The following BAG6 variants were observed in gnomAD, a reference collection of about 807,000 sequenced individuals.
BAG6 encodes the protein BAG cochaperone 6, also known as large proline-rich protein BAG6.
BAG6 carries 22 observed loss-of-function variants against 121.0 expected under a neutral mutation model. That is an observed-to-expected ratio of 0.18 (90% CI 0.13 to 0.26). BAG6 has a LOEUF of 0.26. Among genes scored for constraint, BAG6 ranks in the 10% least tolerant of loss-of-function variants. The pLI, the probability that BAG6 is intolerant of heterozygous loss-of-function variation, is 1.00. For missense variants in BAG6, 1,233 were observed against 1,537.7 expected (o/e 0.80, Z 3.31); for synonymous variants, 583 against 584.6 (o/e 1.00, Z 0.04).
Position 31,639,578 on chromosome 6 carries a change from T to C in BAG6, c.3315A>G (p.Gly1105=), listed in dbSNP as rs770252601. 11 of 1,613,970 alleles carry C rather than the reference T, an allele frequency of 6.8e-6. No homozygotes were observed. The South Asian group carries it at 1.1e-4, about 16-fold the overall frequency. ...TCTCGGGGCTCGTCAGGGGCCGAGC[T>C]CCGGCTGCCTTAGCTGCCCGGCTCA... ...EAVSRAAKAA[G]ARPLTSPESL... is the part of the protein sequence containing the mutation. Residue 1105 remains glycine, a synonymous_variant, in exon 25 of 26, where the codon GGA becomes GGG. Coordinates refer to ENST00000676615, the MANE Select transcript of BAG6 (RefSeq NM_001387994.1).
chr6:31,644,032 G>A lies in BAG6; in HGVS notation c.1668+50C>T, dbSNP rs1250975670. 1.2e-6 allele frequency: 2 copies of A among 1,612,516 alleles called. No homozygotes were observed. Among genetic ancestry groups the A allele is most frequent in the South Asian group, 1.1e-5 (1 of 91,026 alleles). On this transcript the variant is annotated intron_variant, in intron 13 of 25. Coordinates refer to ENST00000676615, the MANE Select transcript of BAG6 (RefSeq NM_001387994.1). The surrounding 1 kb of genome is among the most constrained non-coding windows in gnomAD (Gnocchi z 4.9). ...CCTGCCCTTCCATGCACCACCACAG[G>A]AGTCTCTCCCTAGACTGTTACGCAC...
rs1334729894 is a variant in BAG6 at position 31,649,559 on chromosome 6, G to A, written c.177C>T (p.Leu59=). 1 of 1,614,146 alleles carries A rather than the reference G, an allele frequency of 6.2e-7. No individual in the cohort carries two copies. Among genetic ancestry groups the A allele is most frequent in the Admixed American group, 1.7e-5 (1 of 60,014 alleles). The change falls in exon 3 of 26, where the codon CTC becomes CTT. Residue 59 remains leucine (L), a synonymous_variant. Transcript: ENST00000676615. ...SVSIPSEKQR[L]IYQGRVLQDD... ...CTTGCAGAACTCGTCCCTGGTAAATGAGCCGTTGTTTTTCAGATGGGATGC... is the reference window on the plus strand; with the variant it reads ...CTTGCAGAACTCGTCCCTGGTAAATAAGCCGTTGTTTTTCAGATGGGATGC...
chr6:31,642,070 C>A, intron 16 of BAG6, 42 bp downstream of exon 16: 1 of 1,600,056 alleles, frequency 6.2e-7, no homozygotes, highest in Non-Finnish European at 8.5e-7. Flanking sequence ...ATTCCTCTGG[C>A]TGCCCCTTCC....
Position 31,649,269 on chromosome 6 carries a change from C to G in BAG6, c.353G>C (p.Arg118Pro), listed in dbSNP as rs775170307. The change falls in exon 4 of 26, where the codon CGG becomes CCG. Residue 118 changes from arginine (R) to proline (P), a missense_variant. Around this residue, in one of 7 missense-constraint regions of BAG6, gnomAD observed 777 missense variants for 861.4 expected, o/e 0.90. Coordinates refer to ENST00000676615, the MANE Select transcript of BAG6 (RefSeq NM_001387994.1). ...GTCATGAACAGAGGCCCCAGGCCCC[C>G]GAGTACCAGGGGGGGATCCCCCACC... ...THGGGSPPGT[R>P]GPGASVHDRN... 1 of 1,612,990 alleles carries G rather than the reference C, an allele frequency of 6.2e-7. No individual in the cohort carries two copies. Among genetic ancestry groups the G allele is most frequent in the Non-Finnish European group, 8.5e-7 (1 of 1,180,042 alleles).
In BAG6 at chr6:31,649,305, G is replaced by A. The variant is rs1793731165; in HGVS notation, c.317C>T (p.Ser106Leu). 1 of 1,613,286 alleles carries A rather than the reference G, an allele frequency of 6.2e-7. No individual in the cohort carries two copies. The highest frequency in any genetic ancestry group is 8.5e-7 in the Non-Finnish European group (1 of 1,179,994). Reference sequence around the variant, plus strand: ...GGGGGATCCCCCACCATGAGTGGCTGAGGCAGACCCCGTCCCAGAAGATGC... The same window carrying A: ...GGGGGATCCCCCACCATGAGTGGCTAAGGCAGACCCCGTCCCAGAAGATGC... ...SGASSGTGSA[S>L]ATHGGGSPPG... Residue 106 changes from serine to leucine, a missense_variant, in exon 4 of 26, where the codon TCA becomes TTA. By Grantham distance (145) the Ser-to-Leu change is moderately radical (BLOSUM62 -2). Coordinates refer to ENST00000676615, the MANE Select transcript of BAG6 (RefSeq NM_001387994.1).
Position 31,648,677 on chromosome 6 carries a change from C to G in BAG6, c.552G>C (p.Glu184Asp), listed in dbSNP as rs1404745318. The G allele has an allele frequency of 2.5e-6, 4 of 1,613,704 alleles. No homozygotes were observed. Among genetic ancestry groups the G allele is most frequent in the Non-Finnish European group, 3.4e-6 (4 of 1,179,956 alleles). The change falls in exon 6 of 26, where the codon GAG (glutamate) becomes GAC (aspartate). Residue 184 changes from glutamate to aspartate, a missense_variant and splice_region_variant. By Grantham distance (45) the Glu-to-Asp change is conservative. This residue lies in a region of BAG6 where 777 missense variants were observed against 861.4 expected (regional missense o/e 0.90). Transcript: ENST00000676615. ...RDIQTLLSRM[E>D]CRGGPQPQHS... Reference sequence around the variant, plus strand: ...ACCCTAGCCAGCCTTGCCCACTTACCTCCATCCGGGATAGTAAGGTCTGTA... The same window carrying G: ...ACCCTAGCCAGCCTTGCCCACTTACGTCCATCCGGGATAGTAAGGTCTGTA...
In BAG6 at chr6:31,642,838, G is replaced by C. The variant is rs1285428072; in HGVS notation, c.2034C>G (p.Asp678Glu). 4 of 1,612,096 alleles carry C rather than the reference G, an allele frequency of 2.5e-6. No homozygotes were observed. Among genetic ancestry groups the C allele is most frequent in the Non-Finnish European group, 3.4e-6 (4 of 1,179,276 alleles). The part of the protein sequence containing the change: ...GVPAFLQGMT[D>E]FLQATQTAPP... The stretch of plus-strand genomic sequence containing the variant: ...CAAGCCAGCCACTCACCTGCAAGAA[G>C]TCAGTCATGCCTTGGAGAAAGGCAG... Residue 678 changes from aspartate (D) to glutamate (E), a missense_variant, in exon 15 of 26, where the codon GAC becomes GAG. By Grantham distance (45) the Asp-to-Glu change is conservative (BLOSUM62 2). Coordinates refer to ENST00000676615, the MANE Select transcript of BAG6 (RefSeq NM_001387994.1).
In BAG6 at chr6:31,649,526, C is replaced by T. The variant is rs1304329325; in HGVS notation, c.210G>A (p.Lys70=). Residue 70 remains lysine (K), a synonymous_variant, in exon 3 of 26, where the codon AAG becomes AAA. Coordinates refer to ENST00000676615, the MANE Select transcript of BAG6 (RefSeq NM_001387994.1). ...IYQGRVLQDD[K]KLQEYNVGGK... is the part of the protein sequence containing the mutation. ...CCCCCTTACTGTATTCCTGAAGCTT[C>T]TTATCATCTTGCAGAACTCGTCCCT... The T allele has an allele frequency of 6.2e-7, 1 of 1,614,198 alleles. No homozygotes were observed. The highest frequency in any genetic ancestry group is 1.1e-5 in the South Asian group (1 of 91,078).
intron 2 of BAG6, 51 bp from the exon 3 acceptor site, chr6:31,649,678 G>A (rs202014985): frequency 1.2e-5 from 18 of 1,527,020 alleles, no homozygotes; most frequent in Non-Finnish European, 1.5e-5. Flanking sequence ...GAAAGAGGAA[G>A]AACAAAGACA....
Position 31,644,982 on chromosome 6 carries a change from C to T in BAG6, c.1333G>A (p.Val445Met). 6.2e-7 allele frequency: 1 copy of T among 1,603,376 alleles called. No individual in the cohort carries two copies. The highest frequency in any genetic ancestry group is 8.5e-7 in the Non-Finnish European group (1 of 1,174,464). ...PRVIRISHQS[V>M]EPVVMMHMNI... The stretch of plus-strand genomic sequence containing the variant: ...ATGTGCATCATGACCACGGGTTCCA[C>T]ACTCTGGTGGGAAATCCGGATGACC... The change falls in exon 10 of 26, where the codon GTG becomes ATG. Residue 445 changes from valine (V) to methionine (M), a missense_variant. Transcript: ENST00000676615. This position sits in a 1 kb window ranked among gnomAD's most constrained non-coding sequence, Gnocchi z 4.9.
chr6:31,641,405 C>G lies in BAG6; in HGVS notation c.2577G>C (p.Gln859His), dbSNP rs1369275593. ...TTGTCCGGATGATGTCCACACCTGGCTGAACCTGCACCAAGGACTGAGAGA... is the reference window on the plus strand; with the variant it reads ...TTGTCCGGATGATGTCCACACCTGGGTGAACCTGCACCAAGGACTGAGAGA... ...VRESFSLVQV[Q>H]PGVDIIRTNL... Residue 859 changes from glutamine (Q) to histidine (H), a missense_variant, in exon 19 of 26, where the codon CAG (glutamine) becomes CAC (histidine). Physicochemically the swap from Gln to His is conservative, Grantham distance 24. Transcript: ENST00000676615. This position sits in a 1 kb window ranked among gnomAD's most constrained non-coding sequence, Gnocchi z 5.7. The G allele has an allele frequency of 6.2e-7, 1 of 1,614,116 alleles. No individual in the cohort carries two copies. The highest frequency in any genetic ancestry group is 8.5e-7 in the Non-Finnish European group (1 of 1,180,052).
At position 31,651,765 on chromosome 6, in the gene BAG6, G is replaced by A. The variant is rs138595299; in HGVS notation, c.-2C>T. ...ACTGGTACTATCATTAGGCTCCATG[G>A]CCGACAGGTCTCTAAAGAAGAACGA... On this transcript the variant is annotated 5_prime_UTR_variant, in exon 2 of 26. Coordinates refer to ENST00000676615, the MANE Select transcript of BAG6 (RefSeq NM_001387994.1). The A allele has an allele frequency of 2.6e-4, 422 of 1,612,638 alleles. 2 individuals carry two copies. In the East Asian group the frequency reaches 8.6e-3, roughly 33 times the overall value.
chr6:31,647,734 T>C lies in BAG6; in HGVS notation c.645A>G (p.Ser215=), dbSNP rs1791398308. ...GAGGTGCTTCACTTTCAACTGGTTC[T>C]GATGTTTGAGAGCTCAAGGCTACTG... ...PEPVALSSQT[S]EPVESEAPPR... The change falls in exon 7 of 26, where the codon TCA becomes TCG. Residue 215 remains serine (S), a synonymous_variant. Coordinates refer to ENST00000676615, the MANE Select transcript of BAG6 (RefSeq NM_001387994.1). The C allele has an allele frequency of 1.9e-6, 3 of 1,605,156 alleles. No individual in the cohort carries two copies. The highest frequency in any genetic ancestry group is 2.2e-5 in the South Asian group (2 of 89,872).
At chr6:31,643,151 A>C in intron 14 of BAG6, 36 bp from the exon 15 acceptor site, 1 of 1,523,190 alleles carries the variant, frequency 6.6e-7, no homozygotes, top group East Asian at 2.4e-5. Context: ...TGGGCTGAGC[A>C]TGGTGGCTCT....
Position 31,647,662 on chromosome 6 carries a change from G to A in BAG6, c.717C>T (p.Ala239=), listed in dbSNP as rs1791323500. 6.2e-7 allele frequency: 1 copy of A among 1,604,892 alleles called. No individual in the cohort carries two copies. Among genetic ancestry groups the A allele is most frequent in the Non-Finnish European group, 8.5e-7 (1 of 1,177,088 alleles). ...GGCCAGGAGTGAGCTCCGGGTTCTG[G>A]GCTGGGGCACGCTCCTCCACTTCTT... The part of the protein sequence containing the change: ...EAEEVEERAP[A]QNPELTPGPA... Residue 239 remains alanine, a synonymous_variant, in exon 7 of 26, where the codon GCC becomes GCT. Transcript: ENST00000676615.
intron 16 of BAG6, 65 bp downstream of exon 16, chr6:31,642,047 C>T: frequency 6.3e-7 from 1 of 1,594,834 alleles, no homozygotes; most frequent in Non-Finnish European, 8.6e-7. Context: ...ACCCCTAAAC[C>T]AAGGCCATCT....
chr6:31,649,360 C>A lies in BAG6; in HGVS notation c.262G>T (p.Ala88Ser). 6.2e-7 allele frequency: 1 copy of A among 1,609,486 alleles called. No homozygotes were observed. The highest frequency in any genetic ancestry group is 8.5e-7 in the Non-Finnish European group (1 of 1,177,970). Residue 88 changes from alanine to serine, a missense_variant, in exon 4 of 26, where the codon GCT becomes TCT. Coordinates refer to ENST00000676615, the MANE Select transcript of BAG6 (RefSeq NM_001387994.1). ...GAAGGGAGGTGAGTCTGAGGAGGAG[C>A]CCGTTCCACCAGGTGGATAACCTTT... ...GGKVIHLVERAPPQTHLPSGA... is the reference protein window; with the variant it reads ...GGKVIHLVERSPPQTHLPSGA...
rs1179411967 is a variant in BAG6, at chr6:31,640,655, G to A, written c.2984C>T (p.Pro995Leu). Residue 995 changes from proline (P) to leucine (L), a missense_variant, in exon 22 of 26, where the codon CCT becomes CTT. This residue lies in a region of BAG6 where 288 missense variants were observed against 483.1 expected (regional missense o/e 0.60). Transcript: ENST00000676615. This position sits in a 1 kb window ranked among gnomAD's most constrained non-coding sequence, Gnocchi z 4.2. ...CCCTCTCTAGAGTACCTGAGGCTCA[G>A]GGGAAGCTCTTTCTGCTCCCTGAAC... Reference protein sequence around the residue: ...MEVQGAERASPEPQRENASPA... With the variant: ...MEVQGAERASLEPQRENASPA... The A allele has an allele frequency of 4.3e-6, 7 of 1,612,888 alleles. No homozygotes were observed. The highest frequency in any genetic ancestry group is 5.9e-6 in the Non-Finnish European group (7 of 1,180,002).
chr6:31,643,018 A>G lies in BAG6; in HGVS notation c.1854T>C (p.Pro618=). 6.3e-7 allele frequency: 1 copy of G among 1,590,594 alleles called. No individual in the cohort carries two copies. The highest frequency in any genetic ancestry group is 8.5e-7 in the Non-Finnish European group (1 of 1,169,760). ...TGGGTGGAGGCTGGGCAGGCCCCCC[A>G]GGAGCGGGGCCAGCTGTGGTAGCTG... ...TNTATTAGPA[P]GGPAQPPPTP... is the part of the protein sequence containing the mutation. Residue 618 remains proline, a synonymous_variant, in exon 15 of 26, where the codon CCT becomes CCC. Transcript: ENST00000676615.
Sources: allele counts gnomAD v4.1 joint callset, GRCh38; gene constraint gnomAD v4.1.1; regional missense constraint gnomAD v4.1.1; non-coding constraint Gnocchi (gnomAD v3.1); transcripts MANE v1.5; gene names NCBI Gene and HGNC (gene_info 2026-07-23, HGNC 2026-07-21).